Variants in CDH11 observed in about 807,000 individuals in gnomAD.
CDH11 encodes the protein cadherin 11.
In CDH11, 11 loss-of-function variants were observed where a neutral mutation model predicts 67.8. The observed-to-expected ratio is 0.16, with a 90% CI of 0.10 to 0.27. CDH11 has a LOEUF of 0.27. Among genes scored for constraint, CDH11 ranks in the 10% least tolerant of loss-of-function variants. The pLI, the probability that CDH11 is intolerant of heterozygous loss-of-function variation, is 1.00. For synonymous variants in CDH11, 419 were observed against 400.0 expected (o/e 1.05, Z -0.57); for missense variants, 847 against 1,031.2 (o/e 0.82, Z 2.45).
intron 1 of CDH11, among the ~76,000 whole-genome samples, chr16:65,074,685 AACAG>A (rs1418369178): frequency 1.3e-5 from 2 of 152,138 alleles, no homozygotes; most frequent in Admixed American, 6.5e-5. Flanking sequence ...GAGAGAGACA[AACAG>A]ACAGACAGAG....
At chr16:65,081,226 C>T (rs1015176113) in intron 1 of CDH11, among the ~76,000 whole-genome samples, 19 of 152,080 alleles carry the variant, frequency 1.2e-4, no homozygotes, top group African/African-American at 4.1e-4. Context: ...CACAGATAAG[C>T]CATTCAGTGC....
chr16:64,973,023 T>C lies in CDH11; in HGVS notation c.1271A>G (p.His424Arg). 1 of 1,613,622 alleles carries C rather than the reference T, an allele frequency of 6.2e-7. No individual in the cohort carries two copies. Among genetic ancestry groups the C allele is most frequent in the East Asian group, 2.2e-5 (1 of 44,850 alleles). ...NSPIRYSIDR[H>R]TDLDRFFTIN... Reference sequence around the variant, plus strand: ...AGTGAAAAATCTGTCGAGGTCAGTGTGACGATCGATGGAATACCTAAGCAG... The same window carrying C: ...AGTGAAAAATCTGTCGAGGTCAGTGCGACGATCGATGGAATACCTAAGCAG... The change falls in exon 9 of 13, where the codon CAC becomes CGC. Residue 424 changes from histidine (H) to arginine (R), a missense_variant. His to Arg is a conservative substitution (Grantham distance 29). This residue lies in a region of CDH11 where 612 missense variants were observed against 678.7 expected (regional missense o/e 0.90). Transcript: ENST00000268603.
chr16:65,105,519 T>C (rs1567582327), intron 1 of CDH11, among the ~76,000 whole-genome samples: 1 of 152,262 alleles, frequency 6.6e-6, no homozygotes, highest in African/African-American at 2.4e-5. Context: ...AACTCATTTC[T>C]TGTTCAATTT....
chr16:64,948,512 C>T (rs771533581), intron 12 of CDH11: 3 of 1,008,766 alleles, frequency 3.0e-6, no homozygotes, highest in East Asian at 4.7e-5. Context: ...ACATGCAGAG[C>T]CCTTAGGGCC....
intron 2 of CDH11, among the ~76,000 whole-genome samples, chr16:65,034,713 C>G (rs1054330924): frequency 6.6e-6 from 1 of 152,288 alleles, no homozygotes; most frequent in Admixed American, 6.5e-5. Context: ...GAGCCCCGCA[C>G]CCTAAAGCTT....
At chr16:64,996,244 C>T (rs1350028548) in intron 4 of CDH11, among the ~76,000 whole-genome samples, 1 of 152,118 alleles carries the variant, frequency 6.6e-6, no homozygotes, top group African/African-American at 2.4e-5. Context: ...AATCCTAGCA[C>T]TTTGGGAGGA....
At chr16:64,997,558 T>C (rs576089925) in intron 4 of CDH11, among the ~76,000 whole-genome samples, 25 of 152,228 alleles carry the variant, frequency 1.6e-4, no homozygotes, top group African/African-American at 5.5e-4. Context: ...ATTTATTTGA[T>C]ATTTGTTGTT....
intron 11 of CDH11, among the ~76,000 whole-genome samples, chr16:64,962,571 C>T (rs577351666): frequency 1.3e-5 from 2 of 152,200 alleles, no homozygotes; most frequent in African/African-American, 4.8e-5. Flanking sequence ...TCTCCCGTGA[C>T]CCCCTACCAC....
chr16:65,021,340 G>GT (rs2073419374), intron 2 of CDH11, among the ~76,000 whole-genome samples: 1 of 152,106 alleles, frequency 6.6e-6, no homozygotes, highest in Non-Finnish European at 1.5e-5. Flanking sequence ...GAAAATAGAG[G>GT]TTTTTCCCAG....
intron 2 of CDH11, among the ~76,000 whole-genome samples, chr16:65,015,774 T>C (rs2073293511): frequency 6.6e-6 from 1 of 152,194 alleles, no homozygotes; most frequent in African/African-American, 2.4e-5. Flanking sequence ...GTCTGTTTTG[T>C]AAGGTATAAA....
intron 3 of CDH11, among the ~76,000 whole-genome samples, chr16:65,003,493 G>A (rs183594805): frequency 1.3e-4 from 20 of 152,254 alleles, no homozygotes; most frequent in Admixed American, 3.3e-4. Context: ...CTGACATCCC[G>A]TGATTCACCT....
intron 2 of CDH11, among the ~76,000 whole-genome samples, chr16:65,039,178 C>T (rs879850403): frequency 1.3e-5 from 2 of 152,192 alleles, no homozygotes; most frequent in Admixed American, 1.3e-4. Context: ...TGAAGCAAGT[C>T]CTCAATTAAT....
chr16:65,005,165 T>C, intron 2 of CDH11, 124 bp from the exon 3 acceptor site: 3 of 828,860 alleles, frequency 3.6e-6, no homozygotes, highest in Middle Eastern at 3.9e-4. Context: ...TTGGGGAAGC[T>C]CACTGACTGC....
In CDH11 at chr16:64,992,940, G is replaced by A; in HGVS notation, c.618C>T (p.Pro206=). The A allele has an allele frequency of 6.2e-7, 1 of 1,613,394 alleles. No individual in the cohort carries two copies. Among genetic ancestry groups the A allele is most frequent in the Non-Finnish European group, 8.5e-7 (1 of 1,179,472 alleles). Reference sequence around the variant, plus strand: ...CTGTCTGTGCTTCCACCGAAAAATAGGGTTGTCCTTCGAGGATACTGTACA... The same window carrying A: ...CTGTCTGTGCTTCCACCGAAAAATAAGGTTGTCCTTCGAGGATACTGTACA... ...KLVYSILEGQ[P]YFSVEAQTGI... is the part of the protein sequence containing the mutation. The change falls in exon 5 of 13, where the codon CCC becomes CCT. Residue 206 remains proline (P), a synonymous_variant. Coordinates refer to ENST00000268603, the MANE Select transcript of CDH11 (RefSeq NM_001797.4).
At chr16:65,085,692 T>C (rs916358633) in intron 1 of CDH11, among the ~76,000 whole-genome samples, 3 of 152,218 alleles carry the variant, frequency 2.0e-5, no homozygotes, top group African/African-American at 7.2e-5. Context: ...TTAGACACTA[T>C]AATTACTCAA....
intron 9 of CDH11, among the ~76,000 whole-genome samples, chr16:64,972,700 C>T (rs776454796): frequency 5.9e-5 from 9 of 152,128 alleles, no homozygotes; most frequent in Non-Finnish European, 1.3e-4. Flanking sequence ...AAGTCTATAC[C>T]CAGTTCTGTC....
intron 2 of CDH11, among the ~76,000 whole-genome samples, chr16:65,048,604 T>C: frequency 6.6e-6 from 1 of 151,994 alleles, no homozygotes; most frequent in Non-Finnish European, 1.5e-5. Context: ...TGTGCACATA[T>C]ACATATATAC....
Position 65,053,845 on chromosome 16 carries a change from C to T in CDH11, c.-214G>A, listed in dbSNP as rs1179350516. ...ATACTTGCTGCCAATTTCTGTAACA[C>T]ACTCCACCCATCTGATTGGTCACTC... On this transcript the variant is annotated 5_prime_UTR_variant, in exon 2 of 13. In the 5' UTR this introduces an upstream ATG that the reference lacks. Transcript: ENST00000268603. 2 of 455,914 alleles carry T rather than the reference C, an allele frequency of 4.4e-6. No homozygotes were observed. The highest frequency in any genetic ancestry group is 8.8e-6 in the Non-Finnish European group (2 of 226,796). 28.2% of individuals were successfully genotyped at this position (455,914 alleles called of 1,614,324 possible).
intron 8 of CDH11, among the ~76,000 whole-genome samples, chr16:64,977,681 A>G (rs2072212398): frequency 6.6e-6 from 1 of 152,134 alleles, no homozygotes; most frequent in Non-Finnish European, 1.5e-5. Context: ...CTCAAAATGA[A>G]CTCAAGACAG....
Sources: allele counts gnomAD v4.1 joint callset (sites outside exome capture counted in the v4.1 genomes callset), GRCh38; gene constraint gnomAD v4.1.1; regional missense constraint gnomAD v4.1.1; transcripts MANE v1.5; gene names NCBI Gene and HGNC (gene_info 2026-07-23, HGNC 2026-07-21).